The following TIAM1 variants were observed in gnomAD, a reference collection of about 807,000 sequenced individuals.
The protein encoded by TIAM1 is TIAM Rac1 associated GEF 1.
TIAM1 carries 65 observed loss-of-function variants against 163.5 expected under a neutral mutation model. The ratio of observed to expected loss-of-function variants is 0.40; its 90% CI spans 0.33 to 0.49. The LOEUF (loss-of-function observed/expected upper bound fraction) is 0.49. TIAM1 is among the 20% of genes least tolerant of loss of function. The pLI, the probability that TIAM1 is intolerant of heterozygous loss-of-function variation, is 0.77. For synonymous variants in TIAM1, 833 were observed against 810.1 expected (o/e 1.03, Z -0.48); for missense variants, 1,789 against 2,044.7 (o/e 0.87, Z 2.41).
chr21:31,433,774 A>G (rs141347571), intron 2 of TIAM1, among the ~76,000 whole-genome samples: 2,550 of 152,312 alleles, frequency 0.017, 39 homozygotes, highest in Middle Eastern at 0.041. Flanking sequence ...AATTTACCAC[A>G]TAACTGAACC....
intron 15 of TIAM1, among the ~76,000 whole-genome samples, chr21:31,172,683 C>G (rs1021964921): frequency 3.3e-5 from 5 of 152,076 alleles, no homozygotes; most frequent in Non-Finnish European, 7.4e-5. Flanking sequence ...TGGACTCTCT[C>G]AGACAGGGAT....
chr21:31,169,871 T>C (rs1467587630), intron 15 of TIAM1, among the ~76,000 whole-genome samples: 4 of 152,120 alleles, frequency 2.6e-5, no homozygotes, highest in Admixed American at 2.6e-4. Context: ...ACATTAACTT[T>C]GGTTTCTGTT....
At chr21:31,433,904 C>A (rs2044124818) in intron 2 of TIAM1, among the ~76,000 whole-genome samples, 1 of 152,002 alleles carries the variant, frequency 6.6e-6, no homozygotes, top group Non-Finnish European at 1.5e-5. Flanking sequence ...CTCCAGCGAT[C>A]CTCGCACCTC....
At position 31,165,081 on chromosome 21, in the gene TIAM1, A is replaced by G. The variant is rs2084141525; in HGVS notation, c.2888-16T>C. 6.2e-7 allele frequency: 1 copy of G among 1,613,124 alleles called. No individual in the cohort carries two copies. Among genetic ancestry groups the G allele is most frequent in the Middle Eastern group, 1.6e-4 (1 of 6,062 alleles). On this transcript the variant is annotated splice_polypyrimidine_tract_variant and intron_variant, in intron 15 of 27. Coordinates refer to ENST00000541036, the MANE Select transcript of TIAM1 (RefSeq NM_001353694.2). ...AGGCTGTGCCCTGTCAGATGAAATCAGAAGAAAATGTGGGTCAACATGGAC... is the reference window on the plus strand; with the variant it reads ...AGGCTGTGCCCTGTCAGATGAAATCGGAAGAAAATGTGGGTCAACATGGAC...
intron 2 of TIAM1, among the ~76,000 whole-genome samples, chr21:31,385,163 G>C (rs1284244517): frequency 6.6e-6 from 1 of 152,184 alleles, no homozygotes; most frequent in Non-Finnish European, 1.5e-5. Context: ...CCAGGTTCAA[G>C]CGATTCTTCT....
chr21:31,476,891 C>G (rs1252029830), intron 1 of TIAM1, among the ~76,000 whole-genome samples: 1 of 152,170 alleles, frequency 6.6e-6, no homozygotes, highest in Non-Finnish European at 1.5e-5. Flanking sequence ...CATTCTGCAA[C>G]CCTTCTGGGC....
At chr21:31,354,511 G>A (rs905691496) in intron 2 of TIAM1, among the ~76,000 whole-genome samples, 4 of 152,082 alleles carry the variant, frequency 2.6e-5, no homozygotes, top group Admixed American at 6.5e-5. Context: ...ACTCTGGACT[G>A]AGATAATTAA....
At chr21:31,261,130 C>T (rs372254539) in intron 4 of TIAM1, among the ~76,000 whole-genome samples, 3 of 150,486 alleles carry the variant, frequency 2.0e-5, no homozygotes, top group Non-Finnish European at 4.4e-5. Context: ...AAATCATCAA[C>T]GCGACTACTT....
intron 2 of TIAM1, among the ~76,000 whole-genome samples, chr21:31,391,691 A>G (rs1044536233): frequency 6.6e-6 from 1 of 152,180 alleles, no homozygotes; most frequent in Non-Finnish European, 1.5e-5. Context: ...TTATTTTACA[A>G]TTTGTTACCT....
intron 1 of TIAM1, among the ~76,000 whole-genome samples, chr21:31,556,327 T>C (rs1276934362): frequency 6.6e-6 from 1 of 152,130 alleles, no homozygotes; most frequent in Admixed American, 6.6e-5. Context: ...CAGATTCCAC[T>C]CGGGGTAACT....
intron 4 of TIAM1, among the ~76,000 whole-genome samples, chr21:31,263,776 C>T (rs1001860099): frequency 5.9e-5 from 9 of 152,154 alleles, no homozygotes; most frequent in South Asian, 2.1e-4. Context: ...TAACAGTCTG[C>T]GTCACTGTAT....
At chr21:31,241,233 C>T (rs991777760) in intron 6 of TIAM1, among the ~76,000 whole-genome samples, 5 of 152,042 alleles carry the variant, frequency 3.3e-5, no homozygotes, top group African/African-American at 9.7e-5. Flanking sequence ...AGTGAATTGA[C>T]TAATACAGTC....
At chr21:31,407,385 G>A (rs538244608) in intron 2 of TIAM1, among the ~76,000 whole-genome samples, 1 of 152,124 alleles carries the variant, frequency 6.6e-6, no homozygotes, top group East Asian at 1.9e-4. Context: ...ACCGAAACAC[G>A]AAGAAGCGGC....
At position 31,253,267 on chromosome 21, in the gene TIAM1, C is replaced by T. The variant is rs568450246; in HGVS notation, c.964-1078G>A. Among the ~76,000 whole-genome samples, 16 of 152,290 alleles carry T rather than the reference C, an allele frequency of 1.1e-4. No homozygotes were observed. The South Asian group carries it at 3.3e-3, about 32-fold the overall frequency. The stretch of plus-strand genomic sequence containing the variant: ...GAGGCTGAGTCTAATATAGAAGATG[C>T]CAAAGTAATACACAGTTTGGCAGTT... On this transcript the variant is annotated intron_variant, in intron 4 of 27. Transcript: ENST00000541036.
At chr21:31,465,943 T>C (rs937373082) in intron 1 of TIAM1, among the ~76,000 whole-genome samples, 1 of 152,190 alleles carries the variant, frequency 6.6e-6, no homozygotes, top group Non-Finnish European at 1.5e-5. Flanking sequence ...CCTGACCTTG[T>C]GATCCGCCCG....
chr21:31,340,835 G>A (rs1042932886), intron 1 of TIAM1, among the ~76,000 whole-genome samples: 17 of 151,738 alleles, frequency 1.1e-4, no homozygotes, highest in African/African-American at 2.4e-4. Flanking sequence ...CAGAGCAGTG[G>A]GTAAGATCCT....
intron 2 of TIAM1, among the ~76,000 whole-genome samples, chr21:31,296,022 C>A (rs1339842163): frequency 6.6e-6 from 1 of 152,204 alleles, no homozygotes; most frequent in Admixed American, 6.5e-5. Context: ...TGGTCTCGAA[C>A]TCCTGACCTC....
At chr21:31,127,043 G>A (rs367968486) in intron 26 of TIAM1, 22 bp downstream of exon 26, 64 of 1,612,372 alleles carry the variant, frequency 4.0e-5, no homozygotes, top group Middle Eastern at 3.3e-4. Flanking sequence ...ACACGGCCTC[G>A]ACTTTACAGG....
intron 22 of TIAM1, among the ~76,000 whole-genome samples, chr21:31,139,732 C>T (rs2082760688): frequency 6.6e-6 from 1 of 152,222 alleles, no homozygotes; most frequent in Admixed American, 6.5e-5. Flanking sequence ...AGAACATTCT[C>T]ATGCTCTGCT....
Sources: allele counts gnomAD v4.1 joint callset (sites outside exome capture counted in the v4.1 genomes callset), GRCh38; gene constraint gnomAD v4.1.1; transcripts MANE v1.5; gene names NCBI Gene and HGNC (gene_info 2026-07-23, HGNC 2026-07-21).